TEX11: variants seen among roughly 807,000 people sequenced by gnomAD.
TEX11 encodes testis-expressed protein 11.
TEX11 carries 7 observed loss-of-function variants against 84.4 expected under a neutral mutation model. That is an observed-to-expected ratio of 0.08 (90% CI 0.05 to 0.16). TEX11 has a LOEUF of 0.16. Among genes scored for constraint, TEX11 ranks in the 10% least tolerant of loss-of-function variants. The pLI is 1.00. For synonymous variants in TEX11, 264 were observed against 222.8 expected, an observed-to-expected ratio of 1.18 and a Z score of -1.64; for missense variants, 551 against 660.5, an observed-to-expected ratio of 0.83 and a Z score of 1.82.
At chrX:70,790,627 T>C (rs979921928) in intron 9 of TEX11, among the ~76,000 whole-genome samples, 3 of 111,937 alleles carry the variant, frequency 2.7e-5, no homozygotes, top group Admixed American at 9.5e-5. Context: ...AGAGAGAGGA[T>C]AGAGCAGAGA....
chrX:70,885,239 C>A (rs1461267576), intron 2 of TEX11, among the ~76,000 whole-genome samples: 7 of 111,434 alleles, frequency 6.3e-5, no homozygotes. Flanking sequence ...AACACAGGCA[C>A]CAACAGTGGG....
At chrX:70,644,933 A>T (rs1055713399) in intron 17 of TEX11, among the ~76,000 whole-genome samples, 5 of 108,069 alleles carry the variant, frequency 4.6e-5, no homozygotes, top group African/African-American at 1.4e-4. Flanking sequence ...AAAAAAAATT[A>T]AAAAAAGATA....
intron 7 of TEX11, among the ~76,000 whole-genome samples, chrX:70,840,317 C>T (rs1944146005): frequency 9.0e-6 from 1 of 111,423 alleles, no homozygotes; most frequent in Non-Finnish European, 1.9e-5. Flanking sequence ...AGAGTGGGGA[C>T]CAATATTCAA....
At chrX:70,565,528 C>T (rs1231499702) in intron 25 of TEX11, among the ~76,000 whole-genome samples, 7 of 111,184 alleles carry the variant, frequency 6.3e-5, no homozygotes, top group African/African-American at 1.3e-4. Context: ...AGAGTTTTTA[C>T]GGTTTTAGGT....
the TEX11 span, among the ~76,000 whole-genome samples, chrX:70,514,162 G>A: frequency 9.1e-6 from 1 of 109,461 alleles, no homozygotes; most frequent in African/African-American, 3.4e-5. Flanking sequence ...CTAAGATTTG[G>A]GGGAATGAAA....
chrX:70,717,147 A>C (rs2090512186), intron 13 of TEX11, among the ~76,000 whole-genome samples: 1 of 99,935 alleles, frequency 1.0e-5, no homozygotes, highest in Admixed American at 1.2e-4. Flanking sequence ...CTCCTAATGA[A>C]GCTTGACTGT....
chrX:70,634,818 A>G (rs1456722026), intron 17 of TEX11, among the ~76,000 whole-genome samples: 9 of 112,595 alleles, frequency 8.0e-5, no homozygotes, highest in African/African-American at 1.9e-4. Context: ...AATTTCTTGA[A>G]GAAAACATGA....
At chrX:70,623,320 G>A (rs920923307) in intron 20 of TEX11, among the ~76,000 whole-genome samples, 5 of 111,741 alleles carry the variant, frequency 4.5e-5, no homozygotes, top group African/African-American at 1.6e-4. Flanking sequence ...TCAGGAGGTA[G>A]TGAGATTTGT....
chrX:70,874,279 T>C (rs1310771150), intron 3 of TEX11, among the ~76,000 whole-genome samples: 1 of 110,521 alleles, frequency 9.0e-6, no homozygotes, highest in Non-Finnish European at 1.9e-5. Flanking sequence ...TTTATAGCAA[T>C]GCAAACAGCC....
intron 11 of TEX11, among the ~76,000 whole-genome samples, chrX:70,732,191 T>A (rs375140251): frequency 4.5e-5 from 5 of 111,673 alleles, no homozygotes; most frequent in African/African-American, 1.3e-4. Context: ...ACCCACAGCC[T>A]ATATCATACT....
intron 20 of TEX11, among the ~76,000 whole-genome samples, chrX:70,619,585 A>G (rs1266408917): frequency 8.9e-6 from 1 of 111,959 alleles, no homozygotes; most frequent in Admixed American, 9.5e-5. Context: ...TCAGTACCTC[A>G]AAAGAGTCTC....
chrX:70,715,460 T>A (rs1355329083), intron 13 of TEX11, among the ~76,000 whole-genome samples: 2 of 112,007 alleles, frequency 1.8e-5, no homozygotes, highest in Non-Finnish European at 3.8e-5. Flanking sequence ...TTTCATATAG[T>A]CCCATATTTC....
chrX:70,724,228 C>G (rs1342260475), intron 12 of TEX11: 4 of 750,415 alleles, frequency 5.3e-6, no homozygotes, highest in Non-Finnish European at 6.3e-6. Context: ...TCCCCCAATG[C>G]AAAAAAGTAG....
At chrX:70,617,830 C>T (rs2089336933) in intron 20 of TEX11, among the ~76,000 whole-genome samples, 1 of 111,631 alleles carries the variant, frequency 9.0e-6, no homozygotes, top group Admixed American at 9.5e-5. Context: ...GATCATGCTA[C>T]CTGTGAATGC....
chrX:70,810,055 C>A (rs1053429508), intron 8 of TEX11, among the ~76,000 whole-genome samples: 2 of 112,106 alleles, frequency 1.8e-5, no homozygotes, highest in South Asian at 3.7e-4. Context: ...CTCATCATCA[C>A]TGGCCATCAG....
intron 2 of TEX11, among the ~76,000 whole-genome samples, chrX:70,901,474 T>G (rs1383071414): frequency 1.8e-5 from 2 of 111,952 alleles, no homozygotes; most frequent in Non-Finnish European, 3.8e-5. Context: ...GGACCAGTTT[T>G]GTAGAAGACA....
intron 25 of TEX11, among the ~76,000 whole-genome samples, chrX:70,564,837 C>T (rs986779741): frequency 2.7e-5 from 3 of 110,622 alleles, no homozygotes; most frequent in Non-Finnish European, 3.8e-5. Flanking sequence ...CAGGTCTTTC[C>T]TATTGTGAAT....
chrX:70,876,825 G>C (rs1272964919), intron 3 of TEX11, among the ~76,000 whole-genome samples: 2 of 111,088 alleles, frequency 1.8e-5, no homozygotes, highest in African/African-American at 3.3e-5. Flanking sequence ...GGAGGGCTGA[G>C]GGGGATCACT....
chrX:70,791,907 C>T (rs895107434), intron 9 of TEX11, among the ~76,000 whole-genome samples: 4 of 110,598 alleles, frequency 3.6e-5, no homozygotes, highest in African/African-American at 1.3e-4. Context: ...GGGTGGATCA[C>T]TTGAGGTCAG....
Sources: gnomAD v4.1 joint callset for allele counts (sites outside exome capture counted in the v4.1 genomes callset) on GRCh38, gnomAD v4.1.1 for gene constraint, MANE v1.5 for transcripts, NCBI Gene and HGNC (gene_info 2026-07-23, HGNC 2026-07-21) for gene names.